NSUN3: variants seen among roughly 807,000 people sequenced by gnomAD.
NSUN3 encodes tRNA (cytosine(34)-C(5))-methyltransferase, mitochondrial.
A neutral mutation model predicts 36.8 loss-of-function variants in NSUN3; 24 were observed. The observed-to-expected ratio is 0.65, with a 90% CI of 0.47 to 0.92. The LOEUF is 0.92. Ranked by LOEUF, NSUN3 falls within the 40% of genes least tolerant of loss-of-function variation. NSUN3 has a pLI of 0.00. For synonymous variants in NSUN3, 146 were observed against 145.2 expected (o/e 1.01, Z -0.04); for missense variants, 381 against 392.8 (o/e 0.97, Z 0.25).
intron 5 of NSUN3, among the ~76,000 whole-genome samples, chr3:94,103,669 A>G (rs1213708803): frequency 6.6e-6 from 1 of 152,130 alleles, no homozygotes; most frequent in East Asian, 1.9e-4. Flanking sequence ...TATCATGAAC[A>G]TTTCAATTAT....
At chr3:94,096,848 C>T (rs1445687586) in intron 5 of NSUN3, among the ~76,000 whole-genome samples, 1 of 152,164 alleles carries the variant, frequency 6.6e-6, no homozygotes, top group African/African-American at 2.4e-5. Context: ...ATTGTTATTC[C>T]TTACACCTGT....
At chr3:94,119,331 G>A (rs1353116490) in intron 5 of NSUN3, among the ~76,000 whole-genome samples, 1 of 152,190 alleles carries the variant, frequency 6.6e-6, no homozygotes, top group Non-Finnish European at 1.5e-5. Flanking sequence ...AGTGTGTAAT[G>A]ATAAATTGTA....
chr3:94,111,758 A>G (rs1470644194), intron 5 of NSUN3, among the ~76,000 whole-genome samples: 4 of 152,010 alleles, frequency 2.6e-5, no homozygotes, highest in Non-Finnish European at 2.9e-5. Flanking sequence ...CATCTATGAT[A>G]ACAGTACCTT....
At chr3:94,097,770 A>G (rs1371685631) in intron 5 of NSUN3, among the ~76,000 whole-genome samples, 3 of 152,150 alleles carry the variant, frequency 2.0e-5, no homozygotes, top group African/African-American at 7.2e-5. Context: ...CCTACTTCTC[A>G]GTTATGCCTT....
chr3:94,092,559 CCTCTT>C (rs1328838321), intron 3 of NSUN3, among the ~76,000 whole-genome samples: 1 of 152,052 alleles, frequency 6.6e-6, no homozygotes, highest in East Asian at 1.9e-4. Context: ...ATTTTCTACT[CCTCTT>C]CTCAACAAAA....
chr3:94,112,630 G>A (rs570678202), intron 5 of NSUN3, among the ~76,000 whole-genome samples: 26 of 152,290 alleles, frequency 1.7e-4, no homozygotes, highest in South Asian at 1.7e-3. Flanking sequence ...GCAACTAGTA[G>A]GAAGGAGTCA....
chr3:94,087,659 T>C (rs1377430565), intron 3 of NSUN3, among the ~76,000 whole-genome samples: 1 of 152,180 alleles, frequency 6.6e-6, no homozygotes, highest in Non-Finnish European at 1.5e-5. Context: ...AAAATCTCTT[T>C]GATGTCAGTG....
At chr3:94,083,953 G>T (rs2077281601) in intron 2 of NSUN3, among the ~76,000 whole-genome samples, 154 bp from the exon 3 acceptor site, 1 of 152,150 alleles carries the variant, frequency 6.6e-6, no homozygotes, top group Non-Finnish European at 1.5e-5. Flanking sequence ...GGCTCATGAG[G>T]CAAAAGGAAG....
chr3:94,100,610 T>A (rs752321484), intron 5 of NSUN3, among the ~76,000 whole-genome samples: 64 of 152,160 alleles, frequency 4.2e-4, no homozygotes, highest in Admixed American at 7.9e-4. Context: ...GCTAAAAGAA[T>A]AGATTTGTAG....
intron 5 of NSUN3, among the ~76,000 whole-genome samples, chr3:94,101,808 G>A (rs1211799690): frequency 6.6e-6 from 1 of 152,112 alleles, no homozygotes; most frequent in African/African-American, 2.4e-5. Context: ...GTATTTAAAT[G>A]TATTACGAAA....
chr3:94,122,183 A>T lies in NSUN3; in HGVS notation c.744-4028A>T, dbSNP rs541679332. On this transcript the variant is annotated intron_variant, in intron 5 of 5. Transcript: ENST00000314622. ...AAAAAAAAAAAAAACAATTTAAGTGACCTCCATGGCAAAAGCTCTGATATT... is the reference window on the plus strand; with the variant it reads ...AAAAAAAAAAAAAACAATTTAAGTGTCCTCCATGGCAAAAGCTCTGATATT... Among the ~76,000 whole-genome samples, 13 of 150,574 alleles carry T rather than the reference A, an allele frequency of 8.6e-5. No individual in the cohort carries two copies. In the South Asian group the frequency reaches 2.7e-3, roughly 32 times the overall value.
chr3:94,120,242 T>A (rs977671354), intron 5 of NSUN3, among the ~76,000 whole-genome samples: 2 of 152,214 alleles, frequency 1.3e-5, no homozygotes, highest in Non-Finnish European at 2.9e-5. Context: ...AACATTTTTA[T>A]TGTGTATTTC....
At chr3:94,085,204 A>G (rs2107248043) in intron 3 of NSUN3, 1 of 152,334 alleles carries the variant, frequency 6.6e-6, no homozygotes, top group South Asian at 2.1e-4. Flanking sequence ...ATTAGAACCA[A>G]AGTGATACAC....
chr3:94,101,915 G>A (rs2077367485), intron 5 of NSUN3, among the ~76,000 whole-genome samples: 1 of 151,962 alleles, frequency 6.6e-6, no homozygotes, highest in South Asian at 2.1e-4. Context: ...TTTTTAGGTG[G>A]GAAAGCACTA....
intron 5 of NSUN3, among the ~76,000 whole-genome samples, chr3:94,104,998 A>G (rs888183649): frequency 2.0e-5 from 3 of 152,352 alleles, no homozygotes; most frequent in African/African-American, 7.2e-5. Context: ...GATATTTTAC[A>G]AAACAAAACT....
In NSUN3 at chr3:94,131,540, T is replaced by G. The variant is rs564975519; in HGVS notation, c.*5050T>G. On this transcript the variant is annotated 3_prime_UTR_variant, in exon 6 of 6. Transcript: ENST00000314622. Reference sequence around the variant, plus strand: ...ACCTTTGAACTGTTTCAGGCCATATTGTAAAGAAGTGTGTCTTGTGATTTT... The same window carrying G: ...ACCTTTGAACTGTTTCAGGCCATATGGTAAAGAAGTGTGTCTTGTGATTTT... Among the ~76,000 whole-genome samples the G allele has an allele frequency of 1.1e-4, 17 of 152,344 alleles. No individual in the cohort carries two copies. The South Asian group carries it at 3.3e-3, about 30-fold the overall frequency.
At chr3:94,091,845 T>A (rs2077316358) in intron 3 of NSUN3, among the ~76,000 whole-genome samples, 1 of 152,228 alleles carries the variant, frequency 6.6e-6, no homozygotes, top group Non-Finnish European at 1.5e-5. Flanking sequence ...TGGACCCAGC[T>A]TATGCATCAC....
At position 94,088,627 on chromosome 3, in the gene NSUN3, C is replaced by T. The variant is rs2077302249; in HGVS notation, c.466+4177C>T. On this transcript the variant is annotated intron_variant, in intron 3 of 5. Coordinates refer to ENST00000314622, the MANE Select transcript of NSUN3 (RefSeq NM_022072.5). ...CTCAGTAATACACAAATGCTGACTT[C>T]TGTAGCATCCTCCGTTAGTGTCCTG... Among the ~76,000 whole-genome samples the T allele has an allele frequency of 4.0e-5, 6 of 149,736 alleles. No homozygotes were observed. The South Asian group carries it at 1.1e-3, about 26-fold the overall frequency.
chr3:94,071,203 C>G (rs936919951), intron 2 of NSUN3, among the ~76,000 whole-genome samples: 1 of 152,070 alleles, frequency 6.6e-6, no homozygotes, highest in Non-Finnish European at 1.5e-5. Flanking sequence ...CGGTTTTGTA[C>G]TAATAATATT....
Sources: allele counts gnomAD v4.1 joint callset (sites outside exome capture counted in the v4.1 genomes callset), GRCh38; gene constraint gnomAD v4.1.1; transcripts MANE v1.5; gene names NCBI Gene and HGNC (gene_info 2026-07-23, HGNC 2026-07-21).